The following RB1 variants were observed in gnomAD, a reference collection of about 807,000 sequenced individuals.
RB1 encodes RB transcriptional corepressor 1.
RB1 carries 18 observed loss-of-function variants against 135.4 expected under a neutral mutation model. That is an observed-to-expected ratio of 0.13 (90% CI 0.09 to 0.20). RB1 has a LOEUF of 0.20. Ranked by LOEUF, RB1 falls within the 10% of genes least tolerant of loss-of-function variation. The pLI, the probability that RB1 is intolerant of heterozygous loss-of-function variation, is 1.00. For synonymous variants in RB1, 365 were observed against 373.2 expected, an observed-to-expected ratio of 0.98 and a Z score of 0.25; for missense variants, 868 against 1,110.0, an observed-to-expected ratio of 0.78 and a Z score of 3.10.
chr13:48,338,253 G>A lies in RB1; in HGVS notation c.265-4346G>A, dbSNP rs563977760. 2.0e-5 allele frequency among the ~76,000 whole-genome samples: 3 copies of A among 152,324 alleles called. No individual in the cohort carries two copies. In the South Asian group the frequency reaches 6.2e-4, roughly 32 times the overall value. Reference sequence around the variant, plus strand: ...CTTGCTAGGTTGGGGAAGTTCTCCTGTATAATATCCTGCAGAGTGTTTTCC... The same window carrying A: ...CTTGCTAGGTTGGGGAAGTTCTCCTATATAATATCCTGCAGAGTGTTTTCC... On this transcript the variant is annotated intron_variant, in intron 2 of 26. Transcript: ENST00000267163.
In RB1 at chr13:48,476,913, G is replaced by A. The variant is rs539849803; in HGVS notation, c.2663+70G>A. The A allele has an allele frequency of 1.3e-4, 204 of 1,569,026 alleles. No homozygotes were observed. In the African/African-American group the frequency reaches 2.1e-3, roughly 16 times the overall value. ...CTGGGGAATCCAGAGTCTCAGCACT[G>A]CTCCTGGCTTATACCAATTTCTTTC... On this transcript the variant is annotated intron_variant, in intron 25 of 26. Transcript: ENST00000267163.
At chr13:48,449,477 G>A (rs1949312330) in intron 17 of RB1, among the ~76,000 whole-genome samples, 1 of 152,136 alleles carries the variant, frequency 6.6e-6, no homozygotes, top group African/African-American at 2.4e-5. Flanking sequence ...CCTTAATGCT[G>A]AGTTCCAATT....
intron 8 of RB1, among the ~76,000 whole-genome samples, chr13:48,363,680 C>T (rs1593445801): frequency 1.3e-5 from 2 of 152,188 alleles, no homozygotes; most frequent in South Asian, 4.1e-4. Flanking sequence ...TACTCTCTTT[C>T]TAAATATTAC....
chr13:48,431,127 G>A (rs1949125554), intron 17 of RB1, among the ~76,000 whole-genome samples: 1 of 108,284 alleles, frequency 9.2e-6, no homozygotes, highest in South Asian at 4.2e-4. Context: ...AAACAAGTCT[G>A]TTAGAACAAA....
At chr13:48,329,704 A>G (rs531292527) in intron 2 of RB1, among the ~76,000 whole-genome samples, 7 of 152,096 alleles carry the variant, frequency 4.6e-5, no homozygotes, top group East Asian at 3.9e-4. Context: ...TCTTTCCTCT[A>G]TTGTCTTGGT....
At chr13:48,426,854 C>T (rs1949086798) in intron 17 of RB1, 1 of 152,242 alleles carries the variant, frequency 6.6e-6, no homozygotes, top group Non-Finnish European at 1.5e-5. Flanking sequence ...GTTTAGTTGG[C>T]TCACGGTTCT....
Position 48,342,670 on chromosome 13 carries a change from G to A in RB1, c.336G>A (p.Glu112=), listed in dbSNP as rs778932079. Residue 112 remains glutamate (E), a synonymous_variant, in exon 3 of 27, where the codon GAG becomes GAA. Transcript: ENST00000267163. ...CIFIAAVDLD[E]MSFTFTELQK... Reference sequence around the variant, plus strand: ...TTATTGCAGCAGTTGACCTAGATGAGATGTCGTTCACTTTTACTGAGCTAC... The same window carrying A: ...TTATTGCAGCAGTTGACCTAGATGAAATGTCGTTCACTTTTACTGAGCTAC... The A allele has an allele frequency of 1.2e-6, 2 of 1,612,606 alleles. No individual in the cohort carries two copies. The highest frequency in any genetic ancestry group is 2.2e-5 in the South Asian group (2 of 91,034).
chr13:48,396,401 A>G (rs1948648583), intron 17 of RB1, among the ~76,000 whole-genome samples: 2 of 152,212 alleles, frequency 1.3e-5, no homozygotes, highest in South Asian at 4.1e-4. Flanking sequence ...TGGGGAAAGG[A>G]TTCCCTATTT....
At chr13:48,344,435 G>A (rs1476963409) in intron 3 of RB1, among the ~76,000 whole-genome samples, 3 of 152,088 alleles carry the variant, frequency 2.0e-5, no homozygotes. Context: ...TGCAGTGTCA[G>A]AGACTAAGCA....
At chr13:48,348,127 A>G (rs1053027044) in intron 5 of RB1, among the ~76,000 whole-genome samples, 1 of 152,046 alleles carries the variant, frequency 6.6e-6, no homozygotes, top group East Asian at 1.9e-4. Flanking sequence ...AAAATGCAAC[A>G]AATGCAAATT....
At chr13:48,453,353 G>T (rs547966721) in intron 18 of RB1, among the ~76,000 whole-genome samples, 5 of 152,316 alleles carry the variant, frequency 3.3e-5, no homozygotes, top group Admixed American at 1.3e-4. Context: ...AGAGTTGGCA[G>T]TTTAGGTGGA....
At position 48,340,506 on chromosome 13, in the gene RB1, C is replaced by T. The variant is rs113200164; in HGVS notation, c.265-2093C>T. On this transcript the variant is annotated intron_variant, in intron 2 of 26. Transcript: ENST00000267163. ...GACTACTAAATGTTCTAATAAAATTCGCTGTTTTAAAAAAATGAATAAACA... is the reference window on the plus strand; with the variant it reads ...GACTACTAAATGTTCTAATAAAATTTGCTGTTTTAAAAAAATGAATAAACA... 2.5e-3 allele frequency among the ~76,000 whole-genome samples: 377 copies of T among 151,494 alleles called. 2 individuals carry two copies. Among genetic ancestry groups the T allele is most frequent in the African/African-American group, 8.3e-3 (342 of 41,362 alleles).
rs1949531050 is a variant in RB1, at chr13:48,480,346, G to C, written c.*275G>C. The C allele has an allele frequency of 2.0e-6, 1 of 497,172 alleles. No individual in the cohort carries two copies. Among genetic ancestry groups the C allele is most frequent in the Non-Finnish European group, 3.7e-6 (1 of 272,936 alleles). The allele number at this position is 497,172 out of a possible 1,614,324, so 30.8% of individuals were successfully genotyped here. ...TTTCCTCTTCCAAAGTAAAATTGCT[G>C]TGCTTTATGGATAGTAAGAATGGCC... On this transcript the variant is annotated 3_prime_UTR_variant, in exon 27 of 27. Transcript: ENST00000267163.
chr13:48,314,562 G>T (rs1952163340), intron 2 of RB1, among the ~76,000 whole-genome samples: 1 of 152,128 alleles, frequency 6.6e-6, no homozygotes, highest in African/African-American at 2.4e-5. Flanking sequence ...CACTTTGGGA[G>T]GCCGAGGTGG....
intron 17 of RB1, among the ~76,000 whole-genome samples, chr13:48,401,627 T>C (rs1042030062): frequency 6.6e-6 from 1 of 152,182 alleles, no homozygotes; most frequent in African/African-American, 2.4e-5. Flanking sequence ...TGGTCCTTGG[T>C]GTTGTTACTA....
chr13:48,349,610 GA>G (rs1429256591), intron 6 of RB1, among the ~76,000 whole-genome samples: 1 of 151,818 alleles, frequency 6.6e-6, no homozygotes, highest in East Asian at 1.9e-4. Flanking sequence ...AAGGAAGACA[GA>G]AAGGAAAGAA....
At chr13:48,368,492 T>G in intron 10 of RB1, 35 bp from the exon 11 acceptor site, 1 of 1,611,398 alleles carries the variant, frequency 6.2e-7, no homozygotes, top group Non-Finnish European at 8.5e-7. Flanking sequence ...TTGTAAATTT[T>G]CAGTATGTGA....
chr13:48,319,008 T>TA lies in RB1; in HGVS notation c.264+11603dup. 1 of 710,942 alleles carries TA rather than the reference T, an allele frequency of 1.4e-6. No individual in the cohort carries two copies. Among genetic ancestry groups the TA allele is most frequent in the Non-Finnish European group, 2.6e-6 (1 of 391,336 alleles). The allele number at this position is 710,942 out of a possible 1,614,324, so 44.0% of individuals were successfully genotyped here. ...CTGCCTTACATGGGGGCCGGCAGGGTAGTCTTGGAAATGCCCAAGATTGCT... is the reference window on the plus strand; with the variant it reads ...CTGCCTTACATGGGGGCCGGCAGGGTAAGTCTTGGAAATGCCCAAGATTGCT... On this transcript the variant is annotated intron_variant, in intron 2 of 26. Transcript: ENST00000267163. This position sits in a 1 kb window ranked among gnomAD's most constrained non-coding sequence, Gnocchi z 5.0.
At chr13:48,328,675 C>T in intron 2 of RB1, 1 of 480,972 alleles carries the variant, frequency 2.1e-6, no homozygotes, top group Non-Finnish European at 3.8e-6. Context: ...ACTTTCTCCA[C>T]CCCCAGCTCC....
Sources: gnomAD v4.1 joint callset for allele counts (sites outside exome capture counted in the v4.1 genomes callset) on GRCh38, gnomAD v4.1.1 for gene constraint, Gnocchi (gnomAD v3.1) non-coding constraint, MANE v1.5 for transcripts, NCBI Gene and HGNC (gene_info 2026-07-23, HGNC 2026-07-21) for gene names.